KCNIP4: variants seen among roughly 807,000 people sequenced by gnomAD.
KCNIP4 encodes the protein potassium voltage-gated channel interacting protein 4.
In KCNIP4, 12 loss-of-function variants were observed where a neutral mutation model predicts 34.0. The observed-to-expected ratio is 0.35, with a 90% confidence interval of 0.23 to 0.57. KCNIP4 has a LOEUF of 0.57. Ranked by LOEUF, KCNIP4 falls within the 20% of genes least tolerant of loss-of-function variation. The pLI is 0.83. For missense variants in KCNIP4, 238 were observed against 311.7 expected (o/e 0.76, Z 1.78); for synonymous variants, 124 against 102.2 (o/e 1.21, Z -1.29).
chr4:21,423,803 T>A (rs1346947105), intron 1 of KCNIP4, among the ~76,000 whole-genome samples: 1 of 146,778 alleles, frequency 6.8e-6, no homozygotes, highest in Non-Finnish European at 1.5e-5. Context: ...ATATGACTTA[T>A]GAGAATTTTT....
chr4:21,863,066 C>T (rs1725189125), intron 1 of KCNIP4, among the ~76,000 whole-genome samples: 1 of 151,728 alleles, frequency 6.6e-6, no homozygotes, highest in African/African-American at 2.4e-5. Context: ...TCATCATCAT[C>T]GCCAACAATA....
At chr4:21,044,884 C>G (rs1201396070) in intron 1 of KCNIP4, among the ~76,000 whole-genome samples, 1 of 152,182 alleles carries the variant, frequency 6.6e-6, no homozygotes, top group African/African-American at 2.4e-5. Context: ...TTGGGGGCCA[C>G]CTGCTCCTTT....
chr4:21,580,780 T>A (rs1355413531), intron 1 of KCNIP4, among the ~76,000 whole-genome samples: 3 of 152,078 alleles, frequency 2.0e-5, no homozygotes, highest in Non-Finnish European at 4.4e-5. Context: ...AGTCAACAAG[T>A]ACCTTATACA....
At chr4:21,406,052 C>T (rs1433489822) in intron 1 of KCNIP4, among the ~76,000 whole-genome samples, 4 of 152,106 alleles carry the variant, frequency 2.6e-5, no homozygotes, top group Non-Finnish European at 5.9e-5. Context: ...TCAGGGTGGT[C>T]TCGAACTCCT....
intron 1 of KCNIP4, among the ~76,000 whole-genome samples, chr4:21,888,858 T>A (rs959858525): frequency 6.6e-6 from 1 of 152,120 alleles, no homozygotes; most frequent in African/African-American, 2.4e-5. Context: ...ACATCCAGTT[T>A]AGCTCTTTTT....
At chr4:21,749,221 G>A (rs1716984086) in intron 1 of KCNIP4, among the ~76,000 whole-genome samples, 1 of 152,102 alleles carries the variant, frequency 6.6e-6, no homozygotes, top group East Asian at 1.9e-4. Flanking sequence ...CCCTATTAGA[G>A]CAGAAGGCAA....
At chr4:21,004,828 G>C (rs1738421112) in intron 1 of KCNIP4, among the ~76,000 whole-genome samples, 1 of 152,098 alleles carries the variant, frequency 6.6e-6, no homozygotes, top group Non-Finnish European at 1.5e-5. Context: ...CTGCAGAATT[G>C]AAACAGGTGT....
At chr4:21,061,971 G>C (rs1743964628) in intron 1 of KCNIP4, among the ~76,000 whole-genome samples, 1 of 152,148 alleles carries the variant, frequency 6.6e-6, no homozygotes. Context: ...AGAGCCCTCA[G>C]AAGAAATCTA....
At chr4:21,516,763 G>T (rs1044030931) in intron 1 of KCNIP4, among the ~76,000 whole-genome samples, 1 of 152,138 alleles carries the variant, frequency 6.6e-6, no homozygotes, top group African/African-American at 2.4e-5. Flanking sequence ...AGCAACACAT[G>T]AAGTTTAGGA....
intron 1 of KCNIP4, among the ~76,000 whole-genome samples, chr4:20,931,737 C>A (rs1014629043): frequency 1.3e-5 from 2 of 151,870 alleles, no homozygotes; most frequent in African/African-American, 2.4e-5. Flanking sequence ...AAAAGAAGGT[C>A]AAATATGCAG....
intron 1 of KCNIP4, among the ~76,000 whole-genome samples, chr4:21,917,716 G>C (rs1291476014): frequency 1.3e-5 from 2 of 152,158 alleles, no homozygotes; most frequent in Non-Finnish European, 2.9e-5. Flanking sequence ...CCTTTTGCCA[G>C]AGAGAATAAG....
chr4:20,881,412 C>A (rs927238831), intron 2 of KCNIP4, among the ~76,000 whole-genome samples: 1 of 151,978 alleles, frequency 6.6e-6, no homozygotes, highest in Non-Finnish European at 1.5e-5. Flanking sequence ...TGGGTTATAG[C>A]CCCAATACTC....
chr4:21,374,705 G>A (rs1055632533), intron 1 of KCNIP4, among the ~76,000 whole-genome samples: 2 of 147,588 alleles, frequency 1.4e-5, no homozygotes, highest in Non-Finnish European at 2.9e-5. Flanking sequence ...AATAACAAAT[G>A]TATCTTATAT....
intron 1 of KCNIP4, among the ~76,000 whole-genome samples, chr4:21,223,036 C>T (rs1417841955): frequency 1.3e-5 from 2 of 152,184 alleles, no homozygotes; most frequent in Admixed American, 6.5e-5. Context: ...TTCCCAGAGC[C>T]TCTAAATATG....
rs539625004 is a variant in KCNIP4, at chr4:21,057,529, A to T, written c.62-174820T>A. On this transcript the variant is annotated intron_variant, in intron 1 of 8. Coordinates refer to ENST00000382152, the MANE Select transcript of KCNIP4 (RefSeq NM_025221.6). The stretch of plus-strand genomic sequence containing the variant: ...TCCCAATGAGTGAATACGGACTTAA[A>T]TTCATTTTTTATAAAAAGCATTAAC... 3.9e-5 allele frequency among the ~76,000 whole-genome samples: 6 copies of T among 152,278 alleles called. No homozygotes were observed. In the East Asian group the frequency reaches 1.2e-3, roughly 29 times the overall value.
intron 1 of KCNIP4, among the ~76,000 whole-genome samples, chr4:21,759,062 T>C (rs998780944): frequency 3.3e-5 from 5 of 152,148 alleles, no homozygotes; most frequent in Non-Finnish European, 5.9e-5. Flanking sequence ...ACTCATGACA[T>C]TGACATCATG....
chr4:21,021,108 C>G (rs532490052), intron 1 of KCNIP4, among the ~76,000 whole-genome samples: 1 of 152,302 alleles, frequency 6.6e-6, no homozygotes, highest in African/African-American at 2.4e-5. Flanking sequence ...AGGCTGCAAA[C>G]CTGTACAGCA....
intron 1 of KCNIP4, among the ~76,000 whole-genome samples, chr4:21,329,735 C>T (rs1715432625): frequency 1.3e-5 from 2 of 152,108 alleles, no homozygotes; most frequent in Non-Finnish European, 2.9e-5. Flanking sequence ...AGAAAGAGCA[C>T]TCCAAGAAGA....
At chr4:21,301,977 T>C (rs1711769011) in intron 1 of KCNIP4, among the ~76,000 whole-genome samples, 2 of 152,178 alleles carry the variant, frequency 1.3e-5, no homozygotes, top group Non-Finnish European at 2.9e-5. Flanking sequence ...TTATCAACAT[T>C]TTACTATTTA....
Sources: gnomAD v4.1 joint callset for allele counts (sites outside exome capture counted in the v4.1 genomes callset) on GRCh38, gnomAD v4.1.1 for gene constraint, MANE v1.5 for transcripts, NCBI Gene and HGNC (gene_info 2026-07-23, HGNC 2026-07-21) for gene names.